Variants in SH3RF2 observed in about 807,000 individuals in gnomAD.
SH3RF2 encodes the protein SH3 domain containing ring finger 2.
In SH3RF2, 43 loss-of-function variants were observed where a neutral mutation model predicts 59.0. That is an observed-to-expected ratio of 0.73 (90% CI 0.57 to 0.94). SH3RF2 has a LOEUF of 0.94. SH3RF2 is among the 40% of genes least tolerant of loss of function. SH3RF2 has a pLI of 0.00. For synonymous variants in SH3RF2, 391 were observed against 391.5 expected, an observed-to-expected ratio of 1.00 and a Z score of 0.01; for missense variants, 930 against 940.1, an observed-to-expected ratio of 0.99 and a Z score of 0.14.
intron 5 of SH3RF2, among the ~76,000 whole-genome samples, chr5:146,015,177 C>A (rs1761055696): frequency 6.6e-6 from 1 of 152,084 alleles, no homozygotes; most frequent in African/African-American, 2.4e-5. Context: ...AAGTCAAGGG[C>A]TCCTCAAAGA....
At chr5:146,013,341 C>A (rs1045156996) in intron 4 of SH3RF2, among the ~76,000 whole-genome samples, 1 of 152,028 alleles carries the variant, frequency 6.6e-6, no homozygotes, top group Admixed American at 6.6e-5. Context: ...CTGGGAGCAC[C>A]AGGAAGGACA....
rs551306131 is a variant in SH3RF2 at position 145,968,844 on chromosome 5, G to A, written c.378+30538G>A. Among the ~76,000 whole-genome samples the A allele has an allele frequency of 3.9e-5, 6 of 152,282 alleles. No individual in the cohort carries two copies. The South Asian group carries it at 1.2e-3, about 32-fold the overall frequency. On this transcript the variant is annotated intron_variant, in intron 2 of 9. Transcript: ENST00000359120. ...TGGACAGTGTGATCTAGAAGTATAT[G>A]CCTCAAACTATGGACACAGGTTGTC...
At chr5:146,051,655 G>GCTC (rs1762501095) in intron 7 of SH3RF2, among the ~76,000 whole-genome samples, 1 of 152,170 alleles carries the variant, frequency 6.6e-6, no homozygotes, top group Non-Finnish European at 1.5e-5. Context: ...CATAAAACGA[G>GCTC]CATGTTTTGG....
chr5:146,079,062 C>T (rs1219722585), exon 10 of SH3RF2: 2 of 152,084 alleles, frequency 1.3e-5, no homozygotes, highest in African/African-American at 4.8e-5. Context: ...CTTCTGACCC[C>T]AGGGATTTCT....
intron 2 of SH3RF2, among the ~76,000 whole-genome samples, chr5:145,961,174 CTTTTTTTTTTT>C (rs869156939): frequency 1.1e-5 from 1 of 90,960 alleles, no homozygotes; most frequent in Non-Finnish European, 2.1e-5. Flanking sequence ...CTGCATCCTC[CTTTTTTTTTTT>C]TTTTTTTTTT....
At chr5:146,074,882 T>C (rs550818055) in intron 9 of SH3RF2, among the ~76,000 whole-genome samples, 1 of 152,294 alleles carries the variant, frequency 6.6e-6, no homozygotes, top group African/African-American at 2.4e-5. Flanking sequence ...ACCTGAGTTG[T>C]ACCTAAAGTG....
chr5:146,072,874 T>C (rs920552034), intron 9 of SH3RF2, among the ~76,000 whole-genome samples: 3 of 152,158 alleles, frequency 2.0e-5, no homozygotes, highest in East Asian at 1.9e-4. Flanking sequence ...AACCTGTAGT[T>C]CCCTCCCTTG....
intron 2 of SH3RF2, among the ~76,000 whole-genome samples, chr5:145,964,231 T>TTCTTTCTTTCTTCTTTC (rs1466276721): frequency 6.6e-6 from 1 of 151,512 alleles, no homozygotes; most frequent in Non-Finnish European, 1.5e-5. Context: ...CTTCTTTCTT[T>TTCTTTCTTTCTTCTTTC]TCTTTCTTTC....
intron 2 of SH3RF2, among the ~76,000 whole-genome samples, chr5:145,972,687 G>A (rs1002565419): frequency 2.6e-5 from 4 of 152,190 alleles, no homozygotes; most frequent in South Asian, 4.1e-4. Context: ...AGAGGTGATT[G>A]CTCCTTTATC....
At position 146,057,656 on chromosome 5, in the gene SH3RF2, C is replaced by T. The variant is rs553321543; in HGVS notation, c.1555+1443C>T. 5.3e-5 allele frequency among the ~76,000 whole-genome samples: 8 copies of T among 152,218 alleles called. No individual in the cohort carries two copies. The East Asian group carries it at 5.8e-4, about 11-fold the overall frequency. Reference sequence around the variant, plus strand: ...CACTTAAGGTTGAAAGGTTCATACACGGCTGAATGTGTGTGGCTCACACCT... The same window carrying T: ...CACTTAAGGTTGAAAGGTTCATACATGGCTGAATGTGTGTGGCTCACACCT... On this transcript the variant is annotated intron_variant, in intron 8 of 9. Transcript: ENST00000359120.
intron 5 of SH3RF2, among the ~76,000 whole-genome samples, chr5:146,030,280 CCATGTCG>C (rs1404609181): frequency 5.9e-5 from 9 of 152,146 alleles, no homozygotes; most frequent in African/African-American, 1.9e-4. Flanking sequence ...GCCCATGTGC[CCATGTCG>C]TTTCATTCAG....
intron 9 of SH3RF2, among the ~76,000 whole-genome samples, chr5:146,072,039 G>A (rs376001660): frequency 9.2e-5 from 14 of 152,292 alleles, no homozygotes; most frequent in Middle Eastern, 3.4e-3. Context: ...AGAGAGCTTC[G>A]TGAAGAAGAA....
In SH3RF2 at chr5:146,056,141, G is replaced by A. The variant is rs780256483; in HGVS notation, c.1483G>A (p.Val495Met). Reference sequence around the variant, plus strand: ...TGTGCCCACTGCCATAGTCAACCCCGTGAGAAGCACAGCCGGCCCTGGGAC... The same window carrying A: ...TGTGCCCACTGCCATAGTCAACCCCATGAGAAGCACAGCCGGCCCTGGGAC... Reference protein sequence around the residue: ...VFVPTAIVNPVRSTAGPGTLG... With the variant: ...VFVPTAIVNPMRSTAGPGTLG... Residue 495 changes from valine (V) to methionine (M), a missense_variant, in exon 8 of 10, where the codon GTG becomes ATG. Val to Met is a conservative substitution (Grantham distance 21). Coordinates refer to ENST00000359120, the MANE Select transcript of SH3RF2 (RefSeq NM_152550.4). 9.3e-6 allele frequency: 15 copies of A among 1,614,060 alleles called. No homozygotes were observed. The East Asian group carries it at 1.3e-4, about 14-fold the overall frequency.
intron 9 of SH3RF2, among the ~76,000 whole-genome samples, chr5:146,074,250 A>G (rs1432194853): frequency 6.6e-6 from 1 of 151,922 alleles, no homozygotes; most frequent in African/African-American, 2.4e-5. Context: ...CGCCATTAAC[A>G]CTTTTTCATT....
chr5:146,045,692 G>T (rs1277909378), intron 5 of SH3RF2, among the ~76,000 whole-genome samples: 1 of 152,130 alleles, frequency 6.6e-6, no homozygotes, highest in African/African-American at 2.4e-5. Flanking sequence ...ATATTTCATT[G>T]TATGGTTGTA....
At chr5:146,070,362 C>T (rs1257274482) in intron 9 of SH3RF2, among the ~76,000 whole-genome samples, 1 of 152,080 alleles carries the variant, frequency 6.6e-6, no homozygotes, top group African/African-American at 2.4e-5. Context: ...CAGAAAAAAA[C>T]CATGAGGTTA....
chr5:145,940,997 T>C (rs1757793567), intron 2 of SH3RF2, among the ~76,000 whole-genome samples: 1 of 152,200 alleles, frequency 6.6e-6, no homozygotes, highest in Non-Finnish European at 1.5e-5. Context: ...GGTATTATTA[T>C]TGAACTTGAT....
At chr5:146,056,263 T>A in intron 8 of SH3RF2, 50 bp downstream of exon 8, 1 of 1,612,602 alleles carries the variant, frequency 6.2e-7, no homozygotes, top group Admixed American at 1.7e-5. Context: ...ATGGGGGGAA[T>A]CTGACCCAGG....
intron 2 of SH3RF2, among the ~76,000 whole-genome samples, chr5:145,987,466 A>G (rs895557742): frequency 2.6e-5 from 4 of 152,178 alleles, no homozygotes; most frequent in African/African-American, 9.7e-5. Context: ...AAAGAGAGAA[A>G]CACATAACAA....
Sources: allele counts gnomAD v4.1 joint callset (sites outside exome capture counted in the v4.1 genomes callset), GRCh38; gene constraint gnomAD v4.1.1; transcripts MANE v1.5; gene names NCBI Gene and HGNC (gene_info 2026-07-23, HGNC 2026-07-21).